The following IPCEF1 variants were observed in gnomAD, a reference collection of about 807,000 sequenced individuals.
The protein encoded by IPCEF1 is interactor protein for cytohesin exchange factors 1.
In IPCEF1, 31 loss-of-function variants were observed where a neutral mutation model predicts 50.9. The observed-to-expected ratio is 0.61, with a 90% CI of 0.46 to 0.82. IPCEF1 has a LOEUF of 0.82. Among genes scored for constraint, IPCEF1 ranks in the 40% least tolerant of loss-of-function variants. The pLI, the probability that IPCEF1 is intolerant of heterozygous loss-of-function variation, is 0.00. For missense variants in IPCEF1, 458 were observed against 514.0 expected (o/e 0.89, Z 1.05); for synonymous variants, 181 against 192.0 (o/e 0.94, Z 0.47).
chr6:154,237,752 G>T (rs1434237353), intron 5 of IPCEF1, among the ~76,000 whole-genome samples: 1 of 152,042 alleles, frequency 6.6e-6, no homozygotes, highest in Non-Finnish European at 1.5e-5. Flanking sequence ...CCACCTTACT[G>T]CTGGCTTGCT....
intron 5 of IPCEF1, among the ~76,000 whole-genome samples, chr6:154,242,318 G>A (rs1780662188): frequency 6.6e-6 from 1 of 152,174 alleles, no homozygotes; most frequent in Non-Finnish European, 1.5e-5. Context: ...AAGAATAGAG[G>A]TGGAAATCCT....
At chr6:154,244,398 AC>A (rs1410755257) in intron 5 of IPCEF1, among the ~76,000 whole-genome samples, 1 of 151,846 alleles carries the variant, frequency 6.6e-6, no homozygotes, top group Admixed American at 6.6e-5. Flanking sequence ...TAGTTTGCAT[AC>A]CATTAGTTTA....
At chr6:154,239,455 A>T (rs949888592) in intron 5 of IPCEF1, among the ~76,000 whole-genome samples, 2 of 152,234 alleles carry the variant, frequency 1.3e-5, no homozygotes, top group Admixed American at 1.3e-4. Context: ...AGAATTCAAG[A>T]AAGTCCTCAA....
chr6:154,228,303 T>C (rs1043249784), intron 5 of IPCEF1, among the ~76,000 whole-genome samples: 5 of 93,350 alleles, frequency 5.4e-5, no homozygotes, highest in African/African-American at 1.8e-4. Context: ...TTGTCTCTGT[T>C]TAAAAAAAAA....
intron 9 of IPCEF1, among the ~76,000 whole-genome samples, chr6:154,202,587 G>A (rs1403147305): frequency 6.6e-6 from 1 of 152,118 alleles, no homozygotes; most frequent in Non-Finnish European, 1.5e-5. Flanking sequence ...TACTCCTGCT[G>A]ACTCTACTTT....
Position 154,155,217 on chromosome 6 carries a change from C to T in IPCEF1, c.*4611G>A, listed in dbSNP as rs1798664953. 1 of 152,182 alleles carries T rather than the reference C, an allele frequency of 6.6e-6. No individual in the cohort carries two copies. Among genetic ancestry groups the T allele is most frequent in the Non-Finnish European group, 1.5e-5 (1 of 68,036 alleles). 9.4% of individuals were successfully genotyped at this position (152,182 alleles called of 1,614,324 possible). ...TTCTGTGAGGAGAGAAATTATCCCC[C>T]TTCCACAGTCCATTTCATACAGGCT... On this transcript the variant is annotated 3_prime_UTR_variant, in exon 12 of 12. Transcript: ENST00000367220.
At chr6:154,237,378 G>A (rs1186604170) in intron 5 of IPCEF1, among the ~76,000 whole-genome samples, 1 of 152,044 alleles carries the variant, frequency 6.6e-6, no homozygotes, top group Non-Finnish European at 1.5e-5. Context: ...CTTTACACGG[G>A]GTCGGTAGGT....
intron 2 of IPCEF1, among the ~76,000 whole-genome samples, chr6:154,283,367 C>T (rs965258512): frequency 1.7e-4 from 25 of 147,236 alleles, no homozygotes; most frequent in Non-Finnish European, 8.9e-5. Context: ...GAGGCCGAGG[C>T]GGGTAGATCA....
chr6:154,199,256 A>T (rs946201270), intron 10 of IPCEF1, among the ~76,000 whole-genome samples: 3 of 152,252 alleles, frequency 2.0e-5, no homozygotes, highest in Non-Finnish European at 4.4e-5. Flanking sequence ...GGCACAGCCC[A>T]GAGAAAGTGG....
chr6:154,242,107 G>A (rs1259871697), intron 5 of IPCEF1, among the ~76,000 whole-genome samples: 5 of 152,056 alleles, frequency 3.3e-5, no homozygotes, highest in South Asian at 2.1e-4. Flanking sequence ...CAATATAATC[G>A]CTAACACAGT....
chr6:154,243,689 G>C (rs1287487111), intron 5 of IPCEF1, among the ~76,000 whole-genome samples: 2 of 152,216 alleles, frequency 1.3e-5, no homozygotes, highest in African/African-American at 4.8e-5. Flanking sequence ...GGTCTTAATT[G>C]TGTCATGTAT....
intron 3 of IPCEF1, among the ~76,000 whole-genome samples, chr6:154,264,671 G>A (rs779189755): frequency 1.4e-5 from 2 of 140,416 alleles, no homozygotes; most frequent in Non-Finnish European, 1.6e-5. Context: ...ACCGTACCCA[G>A]CCAATACATA....
intron 3 of IPCEF1, among the ~76,000 whole-genome samples, chr6:154,252,801 A>G (rs1158373154): frequency 6.6e-6 from 1 of 152,218 alleles, no homozygotes; most frequent in Non-Finnish European, 1.5e-5. Flanking sequence ...TGGGAATTGA[A>G]GAAATAAAGA....
At chr6:154,297,303 G>T (rs558226749) in intron 1 of IPCEF1, among the ~76,000 whole-genome samples, 1 of 152,224 alleles carries the variant, frequency 6.6e-6, no homozygotes, top group African/African-American at 2.4e-5. Flanking sequence ...GCCTCCCAAA[G>T]TGCTGGGATT....
chr6:154,288,667 C>CAAAAAAA (rs552235190), intron 2 of IPCEF1, among the ~76,000 whole-genome samples: 1 of 112,648 alleles, frequency 8.9e-6, no homozygotes. Context: ...GTCTAAAAAA[C>CAAAAAAA]AAAAAAAACA....
intron 11 of IPCEF1, among the ~76,000 whole-genome samples, chr6:154,164,382 G>GA (rs1799258851): frequency 6.6e-6 from 1 of 151,924 alleles, no homozygotes; most frequent in African/African-American, 2.4e-5. Context: ...ATGGATGAAA[G>GA]AAAAAAATGT....
intron 1 of IPCEF1, among the ~76,000 whole-genome samples, chr6:154,337,456 C>T (rs1024897117): frequency 2.6e-5 from 4 of 152,140 alleles, no homozygotes; most frequent in African/African-American, 9.7e-5. Context: ...TTACTCAAAG[C>T]CCCAGACCAT....
chr6:154,338,551 C>T (rs1783837816), intron 1 of IPCEF1, among the ~76,000 whole-genome samples: 2 of 152,156 alleles, frequency 1.3e-5, no homozygotes, highest in South Asian at 4.1e-4. Flanking sequence ...CAGTCAGATG[C>T]TTCTAACTAA....
chr6:154,282,595 G>T (rs1782250101), intron 2 of IPCEF1, among the ~76,000 whole-genome samples: 1 of 152,144 alleles, frequency 6.6e-6, no homozygotes, highest in Non-Finnish European at 1.5e-5. Flanking sequence ...GCTGAGGCAG[G>T]AGAATGGCAT....
Sources: allele counts gnomAD v4.1 joint callset (sites outside exome capture counted in the v4.1 genomes callset), GRCh38; gene constraint gnomAD v4.1.1; transcripts MANE v1.5; gene names NCBI Gene and HGNC (gene_info 2026-07-23, HGNC 2026-07-21).